Variants in GRM8 observed in about 807,000 individuals in gnomAD.
GRM8 encodes metabotropic glutamate receptor 8.
A neutral mutation model predicts 87.2 loss-of-function variants in GRM8; 47 were observed. The observed-to-expected ratio is 0.54, with a 90% CI of 0.43 to 0.69. GRM8 has a LOEUF of 0.69. Ranked by LOEUF, GRM8 falls within the 30% of genes least tolerant of loss-of-function variation. GRM8 has a pLI of 0.00. For missense variants in GRM8, 1,019 were observed against 1,139.2 expected (o/e 0.89, Z 1.52); for synonymous variants, 396 against 404.5 (o/e 0.98, Z 0.25).
chr7:126,899,245 T>C (rs1801834718), intron 6 of GRM8, among the ~76,000 whole-genome samples: 2 of 152,128 alleles, frequency 1.3e-5, no homozygotes, highest in African/African-American at 4.8e-5. Context: ...AAGTTAAGCA[T>C]AGTGTAAAAT....
At chr7:126,516,355 C>T (rs767050069) in intron 9 of GRM8, among the ~76,000 whole-genome samples, 107 of 151,950 alleles carry the variant, frequency 7.0e-4, no homozygotes, top group Non-Finnish European at 7.5e-4. Flanking sequence ...GAACATTGTT[C>T]CTCTGTAGAA....
At chr7:127,123,291 G>T (rs554950292) in intron 2 of GRM8, among the ~76,000 whole-genome samples, 4 of 152,050 alleles carry the variant, frequency 2.6e-5, no homozygotes, top group Non-Finnish European at 5.9e-5. Context: ...CAAACCTCAC[G>T]TTGAAATTTC....
intron 3 of GRM8, among the ~76,000 whole-genome samples, chr7:126,964,990 G>A (rs1809697991): frequency 6.6e-6 from 1 of 152,178 alleles, no homozygotes; most frequent in Non-Finnish European, 1.5e-5. Context: ...TAAAAAGGAT[G>A]AGTTCATGTC....
intron 8 of GRM8, among the ~76,000 whole-genome samples, chr7:126,579,299 T>C (rs754128939): frequency 2.0e-5 from 3 of 152,212 alleles, no homozygotes; most frequent in Non-Finnish European, 2.9e-5. Context: ...GTATTCTTTA[T>C]ACAAAATGAC....
intron 6 of GRM8, among the ~76,000 whole-genome samples, chr7:126,886,423 A>G (rs1377794362): frequency 2.0e-5 from 3 of 152,148 alleles, no homozygotes; most frequent in African/African-American, 7.2e-5. Flanking sequence ...TTGATCAGAG[A>G]TCTAGTGCAC....
At chr7:126,748,382 T>G (rs1480840546) in intron 7 of GRM8, among the ~76,000 whole-genome samples, 2 of 152,012 alleles carry the variant, frequency 1.3e-5, no homozygotes, top group African/African-American at 4.8e-5. Flanking sequence ...TTTAAATAAT[T>G]GCACTCACAA....
rs927654204 is a variant in GRM8 at position 127,252,433 on chromosome 7, C to T, written c.-312+364G>A. ...TGCCTTGTTCTTTGCAACGTAAAAT[C>T]AACAGACACCCAATCAAGCTCCAAT... On this transcript the variant is annotated intron_variant, in intron 1 of 10. Transcript: ENST00000339582. This position sits in a 1 kb window ranked among gnomAD's most constrained non-coding sequence, Gnocchi z 4.9. The T allele has an allele frequency of 2.6e-5, 4 of 152,222 alleles. No individual in the cohort carries two copies. Among genetic ancestry groups the T allele is most frequent in the Non-Finnish European group, 5.9e-5 (4 of 68,116 alleles). The allele number at this position is 152,222 out of a possible 1,614,324, so 9.4% of individuals were successfully genotyped here.
At chr7:126,499,005 T>G (rs1323690221) in intron 9 of GRM8, among the ~76,000 whole-genome samples, 3 of 151,984 alleles carry the variant, frequency 2.0e-5, no homozygotes, top group African/African-American at 7.2e-5. Context: ...ATGTAACATT[T>G]TTTAAAAATT....
In GRM8 at chr7:127,065,594, G is replaced by T. The variant is rs964657357; in HGVS notation, c.727+40902C>A. 6.6e-5 allele frequency among the ~76,000 whole-genome samples: 10 copies of T among 152,334 alleles called. 1 individual carries two copies. The highest frequency in any genetic ancestry group is 5.9e-4 in the Admixed American group (9 of 15,296). On this transcript the variant is annotated intron_variant, in intron 3 of 10. Coordinates refer to ENST00000339582, the MANE Select transcript of GRM8 (RefSeq NM_000845.3). ...AACTCCAAATAATTTGAGGATGAAA[G>T]ATAAGAAGAGTGTTGGGCTACTGAC...
At chr7:126,488,529 T>C (rs1214709162) in intron 9 of GRM8, among the ~76,000 whole-genome samples, 2 of 152,048 alleles carry the variant, frequency 1.3e-5, no homozygotes, top group African/African-American at 4.8e-5. Flanking sequence ...AAACAGATTT[T>C]TTCACTTTTG....
chr7:126,697,207 A>G (rs1192005629), intron 7 of GRM8, among the ~76,000 whole-genome samples: 2 of 151,844 alleles, frequency 1.3e-5, no homozygotes, highest in African/African-American at 4.8e-5. Context: ...AAAAGATAGT[A>G]CAACAGTGGT....
intron 6 of GRM8, among the ~76,000 whole-genome samples, chr7:126,841,970 A>G (rs961273516): frequency 6.6e-6 from 1 of 152,182 alleles, no homozygotes; most frequent in Non-Finnish European, 1.5e-5. Flanking sequence ...TGAGAGGAAT[A>G]AATATGACAG....
chr7:126,888,971 T>C (rs1288017839), intron 6 of GRM8, among the ~76,000 whole-genome samples: 1 of 152,166 alleles, frequency 6.6e-6, no homozygotes, highest in East Asian at 1.9e-4. Context: ...AAGTGATACA[T>C]GGGTGGAATG....
chr7:126,654,897 GT>G (rs1215360932), intron 7 of GRM8, among the ~76,000 whole-genome samples: 2 of 152,122 alleles, frequency 1.3e-5, no homozygotes, highest in Non-Finnish European at 2.9e-5. Context: ...AATTAAAGCA[GT>G]AGGAAATATT....
chr7:126,776,011 G>A (rs1354366951), intron 6 of GRM8, among the ~76,000 whole-genome samples: 1 of 152,000 alleles, frequency 6.6e-6, no homozygotes, highest in Middle Eastern at 3.2e-3. Context: ...AAGCCTCAGG[G>A]GAGATGTCAC....
chr7:126,567,199 A>C (rs905267386), intron 8 of GRM8, among the ~76,000 whole-genome samples: 1 of 152,162 alleles, frequency 6.6e-6, no homozygotes, highest in Non-Finnish European at 1.5e-5. Flanking sequence ...ACAATAATGT[A>C]TTGTGCACTT....
chr7:126,886,757 T>C (rs928042377), intron 6 of GRM8, among the ~76,000 whole-genome samples: 1 of 152,166 alleles, frequency 6.6e-6, no homozygotes, highest in African/African-American at 2.4e-5. Flanking sequence ...CTCAAGAAAG[T>C]AATACTTTCT....
At chr7:126,626,156 T>C (rs983983890) in intron 7 of GRM8, among the ~76,000 whole-genome samples, 1 of 149,422 alleles carries the variant, frequency 6.7e-6, no homozygotes, top group Non-Finnish European at 1.5e-5. Flanking sequence ...CTTTTCAAAT[T>C]TGCTGTACTA....
At chr7:126,624,106 C>A (rs1479159820) in intron 7 of GRM8, among the ~76,000 whole-genome samples, 2 of 152,198 alleles carry the variant, frequency 1.3e-5, no homozygotes, top group Non-Finnish European at 2.9e-5. Context: ...TCACACTGAA[C>A]AACAACAATC....
Sources: allele counts gnomAD v4.1 joint callset (sites outside exome capture counted in the v4.1 genomes callset), GRCh38; gene constraint gnomAD v4.1.1; non-coding constraint Gnocchi (gnomAD v3.1); transcripts MANE v1.5; gene names NCBI Gene and HGNC (gene_info 2026-07-23, HGNC 2026-07-21).